The following LEKR1 variants were observed in gnomAD, a reference collection of about 807,000 sequenced individuals.
LEKR1 encodes the protein protein LEKR1.
A neutral mutation model predicts 72.4 loss-of-function variants in LEKR1; 59 were observed. The observed-to-expected ratio is 0.82, with a 90% confidence interval of 0.66 to 1.01. The LOEUF (loss-of-function observed/expected upper bound fraction) is 1.01, where lower values mean the gene tolerates loss of function less well. LEKR1 is among the 50% of genes least tolerant of loss of function. The pLI, the probability that LEKR1 is intolerant of heterozygous loss-of-function variation, is 0.00. For synonymous variants in LEKR1, 257 were observed against 263.2 expected (o/e 0.98, Z 0.23); for missense variants, 728 against 759.2 (o/e 0.96, Z 0.48).
chr3:156,935,335 GTTA>G (rs1254079691), intron 5 of LEKR1, among the ~76,000 whole-genome samples: 1 of 152,134 alleles, frequency 6.6e-6, no homozygotes, highest in Non-Finnish European at 1.5e-5. Context: ...CTGAAGCTAT[GTTA>G]TTATAAGAGC....
At chr3:156,884,325 G>A (rs574516858) in intron 3 of LEKR1, among the ~76,000 whole-genome samples, 14 of 151,992 alleles carry the variant, frequency 9.2e-5, no homozygotes, top group South Asian at 2.1e-4. Flanking sequence ...TAGTTGTTGC[G>A]TTAATACCTG....
chr3:156,974,008 C>T (rs1189580484), intron 6 of LEKR1, among the ~76,000 whole-genome samples: 1 of 152,026 alleles, frequency 6.6e-6, no homozygotes, highest in Non-Finnish European at 1.5e-5. Flanking sequence ...TACTTAATAC[C>T]TAATACCGCC....
intron 7 of LEKR1, among the ~76,000 whole-genome samples, chr3:156,982,391 A>G (rs1305877979): frequency 6.6e-6 from 1 of 152,048 alleles, no homozygotes; most frequent in Non-Finnish European, 1.5e-5. Context: ...ATGGTTTTCT[A>G]GTGTCTTTTT....
chr3:156,948,309 A>G (rs550117314), intron 6 of LEKR1, among the ~76,000 whole-genome samples: 1 of 151,042 alleles, frequency 6.6e-6, no homozygotes, highest in Non-Finnish European at 1.5e-5. Flanking sequence ...ATTTTTGTTG[A>G]TAGAGTAGAC....
At chr3:156,986,040 G>T (rs1730650223) in intron 7 of LEKR1, among the ~76,000 whole-genome samples, 1 of 152,064 alleles carries the variant, frequency 6.6e-6, no homozygotes, top group Non-Finnish European at 1.5e-5. Context: ...AGAAATACAG[G>T]TGGGCTCTAG....
intron 5 of LEKR1, among the ~76,000 whole-genome samples, chr3:156,935,375 T>G (rs961890055): frequency 6.6e-6 from 1 of 152,186 alleles, no homozygotes; most frequent in African/African-American, 2.4e-5. Flanking sequence ...AAAACTTTCT[T>G]TTTAGTGCTA....
intron 7 of LEKR1, among the ~76,000 whole-genome samples, chr3:156,982,267 C>G (rs1475787932): frequency 6.6e-6 from 1 of 152,172 alleles, no homozygotes; most frequent in Non-Finnish European, 1.5e-5. Context: ...CATCCTGCTG[C>G]CCTCAGCACT....
intron 10 of LEKR1, among the ~76,000 whole-genome samples, chr3:157,015,350 C>A (rs764304104): frequency 2.0e-5 from 3 of 152,076 alleles, no homozygotes; most frequent in Non-Finnish European, 2.9e-5. Context: ...ATAAAGCCAG[C>A]GACAGACAGA....
intron 2 of LEKR1, 34 bp downstream of exon 2, chr3:156,829,411 G>T: frequency 6.9e-7 from 1 of 1,448,024 alleles, no homozygotes; most frequent in Non-Finnish European, 9.3e-7. Flanking sequence ...GCCTAACAGT[G>T]GGAACATGTA....
At chr3:156,881,418 A>C (rs978456026) in intron 3 of LEKR1, among the ~76,000 whole-genome samples, 3 of 152,184 alleles carry the variant, frequency 2.0e-5, no homozygotes, top group African/African-American at 4.8e-5. Context: ...AAAGAGAATA[A>C]AATACCTAGG....
intron 5 of LEKR1, among the ~76,000 whole-genome samples, chr3:156,934,722 C>A (rs1166370079): frequency 1.3e-5 from 2 of 151,952 alleles, no homozygotes; most frequent in African/African-American, 4.8e-5. Flanking sequence ...GAAACATTGA[C>A]ATAAGTCATC....
At chr3:156,898,771 T>C (rs767277578) in intron 3 of LEKR1, among the ~76,000 whole-genome samples, 23 of 152,162 alleles carry the variant, frequency 1.5e-4, no homozygotes, top group Non-Finnish European at 2.6e-4. Context: ...CACTAAAATA[T>C]GGGTTTAAAA....
In LEKR1 at chr3:156,835,302, G is replaced by T. The variant is rs549422181; in HGVS notation, c.48+5925G>T. ...ACACAGGCAGGCACCCTTACCAATG[G>T]GGGTTTTCTTAAATATGTAAATTTC... On this transcript the variant is annotated intron_variant, in intron 2 of 12. Coordinates refer to ENST00000356539, the MANE Select transcript of LEKR1 (RefSeq NM_001004316.3). Among the ~76,000 whole-genome samples the T allele has an allele frequency of 2.2e-4, 34 of 152,286 alleles. 1 individual carries two copies. The highest frequency in any genetic ancestry group is 7.9e-4 in the African/African-American group (33 of 41,560).
intron 5 of LEKR1, among the ~76,000 whole-genome samples, chr3:156,928,444 C>T (rs1409786501): frequency 2.0e-5 from 3 of 151,982 alleles, no homozygotes; most frequent in Non-Finnish European, 4.4e-5. Flanking sequence ...GAACCTAAAA[C>T]TGTTCTAAAA....
At chr3:156,957,328 A>G (rs879519245) in intron 6 of LEKR1, among the ~76,000 whole-genome samples, 10 of 152,134 alleles carry the variant, frequency 6.6e-5, no homozygotes, top group African/African-American at 9.6e-5. Flanking sequence ...AATTACAGTT[A>G]CATCAGAATA....
chr3:156,911,882 A>G (rs1476871817), intron 3 of LEKR1, among the ~76,000 whole-genome samples: 2 of 152,078 alleles, frequency 1.3e-5, no homozygotes, highest in Non-Finnish European at 1.5e-5. Context: ...TCATACCAGT[A>G]CTATGCTGTT....
intron 3 of LEKR1, among the ~76,000 whole-genome samples, chr3:156,906,590 G>A (rs1722557814): frequency 6.6e-6 from 1 of 152,170 alleles, no homozygotes; most frequent in African/African-American, 2.4e-5. Context: ...ATACTGTATT[G>A]TAGTATTTCA....
chr3:156,996,192 T>C lies in LEKR1; in HGVS notation c.1109+2915T>C, dbSNP rs1731547217. Among the ~76,000 whole-genome samples, 3 of 152,080 alleles carry C rather than the reference T, an allele frequency of 2.0e-5. No individual in the cohort carries two copies. The South Asian group carries it at 6.2e-4, about 32-fold the overall frequency. ...AAAATAGAGAACTGACTAGAATAAT[T>C]ATAAATTGTGATAATGGATATGAAG... On this transcript the variant is annotated intron_variant, in intron 9 of 12. Transcript: ENST00000356539.
intron 3 of LEKR1, among the ~76,000 whole-genome samples, chr3:156,897,846 G>A (rs867926345): frequency 3.3e-5 from 5 of 151,974 alleles, no homozygotes; most frequent in East Asian, 1.9e-4. Flanking sequence ...CCAGTTACTC[G>A]GGAGGCTAAG....
Sources: allele counts gnomAD v4.1 joint callset (sites outside exome capture counted in the v4.1 genomes callset), GRCh38; gene constraint gnomAD v4.1.1; transcripts MANE v1.5; gene names NCBI Gene and HGNC (gene_info 2026-07-23, HGNC 2026-07-21).